The following ABCG1 variants were observed in gnomAD, a reference collection of about 807,000 sequenced individuals.
The protein encoded by ABCG1 is ATP-binding cassette sub-family G member 1.
Under a neutral mutation model 69.2 loss-of-function variants are expected in ABCG1, and 29 were observed. The ratio of observed to expected loss-of-function variants is 0.42; its 90% CI spans 0.31 to 0.57. ABCG1 has a LOEUF of 0.57. ABCG1 is among the 20% of genes least tolerant of loss of function. The pLI, the probability that ABCG1 is intolerant of heterozygous loss-of-function variation, is 0.15. For missense variants in ABCG1, 718 were observed against 898.1 expected (o/e 0.80, Z 2.56); for synonymous variants, 370 against 374.8 (o/e 0.99, Z 0.15).
chr21:42,215,585 C>T (rs946747645), upstream of ABCG1, among the ~76,000 whole-genome samples: 16 of 152,178 alleles, frequency 1.1e-4, no homozygotes, highest in Non-Finnish European at 1.6e-4. Context: ...CTGTTCTGTC[C>T]TGATCACACT....
In ABCG1 at chr21:42,288,312, G is replaced by A. The variant is rs141061143; in HGVS notation, c.1224G>A (p.Ser408=). 203 of 1,589,610 alleles carry A rather than the reference G, an allele frequency of 1.3e-4. No homozygotes were observed. Among genetic ancestry groups the A allele is most frequent in the African/African-American group, 9.6e-4 (69 of 72,104 alleles). The change falls in exon 10 of 15, where the codon TCG becomes TCA. Residue 408 remains serine (S), a splice_region_variant and synonymous_variant. Coordinates refer to ENST00000398449, the MANE Select transcript of ABCG1 (RefSeq NM_016818.3). This position sits in a 1 kb window ranked among gnomAD's most constrained non-coding sequence, Gnocchi z 4.8. The part of the protein sequence containing the change: ...KRTFLSIMRD[S]VLTHLRITSH... ...CCTTCCTCAGCATCATGAGGGACTC[G>A]GTAAGGCTGCCCGCATCTTCTCCTG... is the stretch of plus-strand genomic sequence containing the variant.
At position 42,219,439 on chromosome 21, in the gene ABCG1, A is replaced by C; in HGVS notation, c.42+135A>C. 1 of 1,289,576 alleles carries C rather than the reference A, an allele frequency of 7.8e-7. No individual in the cohort carries two copies. Among genetic ancestry groups the C allele is most frequent in the South Asian group, 1.4e-5 (1 of 69,112 alleles). The allele number at this position is 1,289,576 out of a possible 1,614,324, so 79.9% of individuals were successfully genotyped here. A position where few individuals can be genotyped will look rare whatever the true frequency, so the allele number is the denominator to read the frequency against. On this transcript the variant is annotated intron_variant, in intron 1 of 14. Coordinates refer to ENST00000398449, the MANE Select transcript of ABCG1 (RefSeq NM_016818.3). The surrounding 1 kb of genome is among the most constrained non-coding windows in gnomAD (Gnocchi z 5.3). ...TCTGGGCGCTGACCCAGGGCACCCT[A>C]GAGTGGCGCCCGGCTCCGATCGCTG...
chr21:42,286,051 G>C, intron 8 of ABCG1, 57 bp downstream of exon 8: 1 of 1,260,242 alleles, frequency 7.9e-7, no homozygotes, highest in Non-Finnish European at 1.2e-6. Flanking sequence ...TCCTCTGTGG[G>C]TCTCACTTTT....
intron 2 of ABCG1, among the ~76,000 whole-genome samples, chr21:42,243,331 G>T (rs2068079244): frequency 6.6e-6 from 1 of 152,086 alleles, no homozygotes; most frequent in Non-Finnish European, 1.5e-5. Flanking sequence ...TGCACGCCAG[G>T]GAACAGGGCA....
intron 13 of ABCG1, among the ~76,000 whole-genome samples, chr21:42,293,621 CTACACACCA>C (rs1367135029): frequency 2.7e-5 from 4 of 146,308 alleles, no homozygotes; most frequent in East Asian, 2.0e-4. Flanking sequence ...ACACTACACA[CTACACACCA>C]CACACACACC....
At position 42,290,263 on chromosome 21, in the gene ABCG1, T is replaced by G. The variant is rs376032092; in HGVS notation, c.1393+45T>G. 18 of 1,588,804 alleles carry G rather than the reference T, an allele frequency of 1.1e-5. No individual in the cohort carries two copies. The Admixed American group carries it at 1.4e-4, about 12-fold the overall frequency. Reference sequence around the variant, plus strand: ...CCCCTTCTTCCTTATTTTCAATTCCTACCCAAGCATGGGGGCCTGAAGTCA... The same window carrying G: ...CCCCTTCTTCCTTATTTTCAATTCCGACCCAAGCATGGGGGCCTGAAGTCA... On this transcript the variant is annotated intron_variant, in intron 11 of 14. Coordinates refer to ENST00000398449, the MANE Select transcript of ABCG1 (RefSeq NM_016818.3).
At chr21:42,257,566 G>A (rs2068326455) in intron 2 of ABCG1, among the ~76,000 whole-genome samples, 1 of 152,148 alleles carries the variant, frequency 6.6e-6, no homozygotes, top group Non-Finnish European at 1.5e-5. Context: ...GCGTGGCGGT[G>A]ACCCTGGGGA....
rs2067506106 is a variant in ABCG1 at position 42,201,520 on chromosome 21, A to G, written c.-99-57A>G. On this transcript the variant is annotated intron_variant, in intron 1 of 15. Transcript: ENST00000398457. ...CTTGTCTTACATGACAGGGTGAGCTACCCTGAGTTAATCTGAGTGAGCTTC... is the reference window on the plus strand; with the variant it reads ...CTTGTCTTACATGACAGGGTGAGCTGCCCTGAGTTAATCTGAGTGAGCTTC... 5.0e-6 allele frequency: 6 copies of G among 1,211,614 alleles called. No homozygotes were observed. The South Asian group carries it at 7.3e-5, about 15-fold the overall frequency. The allele number at this position is 1,211,614 out of a possible 1,614,324, so 75.1% of individuals were successfully genotyped here. A position where few individuals can be genotyped will look rare whatever the true frequency, so the allele number is the denominator to read the frequency against.
intron 5 of ABCG1, among the ~76,000 whole-genome samples, chr21:42,282,006 C>T (rs866347016): frequency 2.0e-5 from 3 of 152,260 alleles, no homozygotes; most frequent in Non-Finnish European, 4.4e-5. Flanking sequence ...GCCCTTGTAT[C>T]TGACCCCAGC....
In ABCG1 at chr21:42,219,862, A is replaced by C; in HGVS notation, c.42+558A>C. ...CCCGGGGACACCCTCTCCCGGACCC[A>C]CTCGGGGAGGCGGCGGCGAAGGCCC... On this transcript the variant is annotated intron_variant, in intron 1 of 14. Transcript: ENST00000398449. The surrounding 1 kb of genome is among the most constrained non-coding windows in gnomAD (Gnocchi z 5.3). The C allele has an allele frequency of 6.5e-7, 1 of 1,531,500 alleles. No homozygotes were observed. Among genetic ancestry groups the C allele is most frequent in the Non-Finnish European group, 8.8e-7 (1 of 1,140,302 alleles). 94.9% of individuals were successfully genotyped at this position (1,531,500 alleles called of 1,614,324 possible).
intron 2 of ABCG1, among the ~76,000 whole-genome samples, chr21:42,242,382 T>C (rs944377804): frequency 1.3e-5 from 2 of 152,136 alleles, no homozygotes; most frequent in Admixed American, 6.5e-5. Context: ...GCACCTGTAG[T>C]CCCAGCTACT....
Position 42,290,216 on chromosome 21 carries a change from C to T in ABCG1, c.1391C>T (p.Thr464Ile), listed in dbSNP as rs765739334. ...GCGGCCCTCATGCCTACTGTTCTGA[C>T]ATGTGAGTGACAGACCGCTGACCCC... Reference protein sequence around the residue: ...MFAALMPTVLTFPLEMGVFLR... With the variant: ...MFAALMPTVLIFPLEMGVFLR... The change falls in exon 11 of 15, where the codon ACA (threonine) becomes ATA (isoleucine). Residue 464 changes from threonine to isoleucine, a missense_variant and splice_region_variant. Physicochemically the swap from Thr to Ile is moderately conservative, Grantham distance 89. Around this residue, in one of 2 missense-constraint regions of ABCG1, gnomAD observed 204 missense variants for 323.8 expected, o/e 0.63. Transcript: ENST00000398449. The T allele has an allele frequency of 6.2e-7, 1 of 1,613,728 alleles. No individual in the cohort carries two copies. The highest frequency in any genetic ancestry group is 8.5e-7 in the Non-Finnish European group (1 of 1,179,652).
At chr21:42,265,011 C>T (rs929883280) in intron 2 of ABCG1, among the ~76,000 whole-genome samples, 9 of 152,176 alleles carry the variant, frequency 5.9e-5, no homozygotes, top group Admixed American at 3.3e-4. Context: ...CTGAGCTCCT[C>T]GAGATCAGAG....
intron 3 of ABCG1, among the ~76,000 whole-genome samples, chr21:42,272,379 A>G (rs2068631519): frequency 6.6e-6 from 1 of 152,230 alleles, no homozygotes; most frequent in Admixed American, 6.5e-5. Flanking sequence ...TGGGGCCTTC[A>G]GACCTGGGGA....
intron 2 of ABCG1, among the ~76,000 whole-genome samples, chr21:42,248,981 T>C (rs2068179054): frequency 6.8e-6 from 1 of 148,038 alleles, no homozygotes; most frequent in Admixed American, 6.7e-5. Flanking sequence ...AGAAAAGAAA[T>C]GAAGCACAGT....
chr21:42,216,544 G>A (rs867787204), upstream of ABCG1, among the ~76,000 whole-genome samples: 18 of 152,294 alleles, frequency 1.2e-4, no homozygotes, highest in Middle Eastern at 0.01. Context: ...AGTGGTTGCT[G>A]CCAGGTGACA....
chr21:42,256,522 G>A (rs1033304204), intron 2 of ABCG1: 1 of 1,549,556 alleles, frequency 6.5e-7, no homozygotes, highest in Non-Finnish European at 8.7e-7. Context: ...GTGCCTGGGT[G>A]ATGAGAAATA....
chr21:42,234,336 G>C (rs2067945201), intron 2 of ABCG1, among the ~76,000 whole-genome samples: 1 of 152,182 alleles, frequency 6.6e-6, no homozygotes, highest in African/African-American at 2.4e-5. Context: ...AAGCTGGGTT[G>C]AGTTTTCCTT....
intron 2 of ABCG1, among the ~76,000 whole-genome samples, chr21:42,209,174 C>T (rs565740188): frequency 6.6e-6 from 1 of 152,280 alleles, no homozygotes; most frequent in East Asian, 1.9e-4. Flanking sequence ...CTGGACCTGA[C>T]CTGGGCTTGG....
Sources: gnomAD v4.1 joint callset for allele counts (sites outside exome capture counted in the v4.1 genomes callset) on GRCh38, gnomAD v4.1.1 for gene constraint, gnomAD v4.1.1 regional missense constraint, Gnocchi (gnomAD v3.1) non-coding constraint, MANE v1.5 for transcripts, NCBI Gene and HGNC (gene_info 2026-07-23, HGNC 2026-07-21) for gene names.